CEP135: variants seen among roughly 807,000 people sequenced by gnomAD.
CEP135 encodes centrosomal protein 135, also known as centrosomal protein of 135 kDa.
Under a neutral mutation model 157.3 loss-of-function variants are expected in CEP135, and 142 were observed. That is an observed-to-expected ratio of 0.90 (90% CI 0.79 to 1.04). The LOEUF is 1.04. CEP135 is among the 50% of genes least tolerant of loss of function. The pLI, the probability that CEP135 is intolerant of heterozygous loss-of-function variation, is 0.00. For missense variants in CEP135, 1,317 were observed against 1,309.2 expected, an observed-to-expected ratio of 1.01 and a Z score of -0.09; for synonymous variants, 396 against 439.8, an observed-to-expected ratio of 0.90 and a Z score of 1.25.
intron 1 of CEP135, among the ~76,000 whole-genome samples, chr4:55,950,759 C>CT (rs148350973): frequency 0.071 from 10,702 of 150,502 alleles, 545 homozygotes; most frequent in African/African-American, 0.14. Context: ...TTATGTGTGT[C>CT]TTTTTTTTTA....
chr4:56,017,982 A>G, intron 22 of CEP135, 125 bp downstream of exon 22: 5 of 825,996 alleles, frequency 6.1e-6, no homozygotes, highest in Non-Finnish European at 9.0e-6. Context: ...TTTTTTTGTG[A>G]TGGAGTTTTG....
Position 55,971,363 on chromosome 4 carries a change from G to A in CEP135, c.1204G>A (p.Glu402Lys), listed in dbSNP as rs769123333. 6.2e-7 allele frequency: 1 copy of A among 1,604,440 alleles called. No individual in the cohort carries two copies. Among genetic ancestry groups the A allele is most frequent in the Admixed American group, 1.7e-5 (1 of 57,990 alleles). Residue 402 changes from glutamate (E) to lysine (K), a missense_variant, in exon 10 of 26, where the codon GAA (glutamate) becomes AAA (lysine). Physicochemically the swap from Glu to Lys is moderately conservative, Grantham distance 56. Coordinates refer to ENST00000257287, the MANE Select transcript of CEP135 (RefSeq NM_025009.5). Reference protein sequence around the residue: ...LETVVHQLEQEKQRLSKKVES... With the variant: ...LETVVHQLEQKKQRLSKKVES... ...AACTGTTGTTCATCAGCTTGAACAA[G>A]AAAAGCAAAGACTTAGCAAAAAAGT...
chr4:56,022,078 A>G (rs1560426522), intron 24 of CEP135, among the ~76,000 whole-genome samples: 1 of 152,220 alleles, frequency 6.6e-6, no homozygotes, highest in Non-Finnish European at 1.5e-5. Context: ...CAGCAGTGAC[A>G]TGAAAGCAGG....
intron 4 of CEP135, 34 bp from the exon 5 acceptor site, chr4:55,957,189 C>T: frequency 6.2e-7 from 1 of 1,605,078 alleles, no homozygotes; most frequent in South Asian, 1.1e-5. Flanking sequence ...GGTTTTGTTT[C>T]TTCTTAGTTT....
chr4:55,989,429 C>G (rs1729712082), intron 14 of CEP135, among the ~76,000 whole-genome samples: 1 of 152,146 alleles, frequency 6.6e-6, no homozygotes, highest in African/African-American at 2.4e-5. Flanking sequence ...GGGAAACTTG[C>G]CTAAGATCAC....
chr4:55,956,533 C>T (rs770774944), intron 4 of CEP135, among the ~76,000 whole-genome samples: 5 of 152,048 alleles, frequency 3.3e-5, no homozygotes, highest in Non-Finnish European at 7.4e-5. Context: ...CTAATAACCA[C>T]GCATATTTTA....
At position 55,979,702 on chromosome 4, in the gene CEP135, G is replaced by T. The variant is rs532446981; in HGVS notation, c.1474-441G>T. Among the ~76,000 whole-genome samples the T allele has an allele frequency of 2.0e-5, 3 of 152,230 alleles. No homozygotes were observed. The South Asian group carries it at 6.2e-4, about 32-fold the overall frequency. On this transcript the variant is annotated intron_variant, in intron 11 of 25. Transcript: ENST00000257287. ...ACCAGGCATCAGAATCACTTAGAGG[G>T]CTTGATAAAATACAGTTACTTGGCC...
chr4:55,957,695 G>T (rs905101216), intron 5 of CEP135, among the ~76,000 whole-genome samples: 2 of 152,210 alleles, frequency 1.3e-5, no homozygotes, highest in African/African-American at 4.8e-5. Context: ...TATTGCTTCA[G>T]ATTTGTGTCA....
At position 56,011,908 on chromosome 4, in the gene CEP135, C is replaced by G; in HGVS notation, c.2725C>G (p.Leu909Val). ...QAEGESSSVR[L>V]ELLSIDTERR... ...TGAGGGAGAAAGCAGCTCAGTTCGACTGGAACTTCTTTCTATTGACACTGA... is the reference window on the plus strand; with the variant it reads ...TGAGGGAGAAAGCAGCTCAGTTCGAGTGGAACTTCTTTCTATTGACACTGA... Residue 909 changes from leucine (L) to valine (V), a missense_variant, in exon 21 of 26, where the codon CTG becomes GTG. Transcript: ENST00000257287. 1 of 1,604,344 alleles carries G rather than the reference C, an allele frequency of 6.2e-7. No individual in the cohort carries two copies.
At position 56,017,836 on chromosome 4, in the gene CEP135, G is replaced by A. The variant is rs200864117; in HGVS notation, c.2991G>A (p.Ser997=). ...GKDIMTQQLN[S]KNLEFERVVV... is the part of the protein sequence containing the mutation. ...ATATTATGACCCAGCAATTGAATTC[G>A]AAAAACCTTGAGTTTGAGAGGGTAA... Residue 997 remains serine (S), a synonymous_variant, in exon 22 of 26, where the codon TCG becomes TCA. Transcript: ENST00000257287. 6.2e-6 allele frequency: 10 copies of A among 1,612,462 alleles called. No homozygotes were observed. The highest frequency in any genetic ancestry group is 1.9e-4 in the Middle Eastern group (1 of 5,168).
intron 7 of CEP135, 74 bp downstream of exon 7, chr4:55,964,476 TC>T: frequency 8.4e-7 from 1 of 1,194,596 alleles, no homozygotes; most frequent in Non-Finnish European, 1.1e-6. Flanking sequence ...TTTATAATGG[TC>T]TATGGGTTTG....
chr4:56,012,550 A>G (rs1383940981), intron 21 of CEP135, among the ~76,000 whole-genome samples: 3 of 152,212 alleles, frequency 2.0e-5, no homozygotes, highest in Non-Finnish European at 4.4e-5. Context: ...AATGTTGTGT[A>G]ACTATCACCA....
chr4:55,977,790 G>A (rs536114684), intron 11 of CEP135, among the ~76,000 whole-genome samples: 1 of 152,192 alleles, frequency 6.6e-6, no homozygotes, highest in African/African-American at 2.4e-5. Flanking sequence ...CAGACTAACT[G>A]AAACTATGCC....
In CEP135 at chr4:55,949,054, CTG is replaced by C. The variant is rs1728253104; in HGVS notation, c.-50_-49del. On this transcript the variant is annotated 5_prime_UTR_variant, in exon 1 of 26. The change abolishes the stop of an existing upstream ORF in the 5' untranslated region. Coordinates refer to ENST00000257287, the MANE Select transcript of CEP135 (RefSeq NM_025009.5). ...GAGGCGGAGGCAACGGCGGCTGGAG[CTG>C]CCGGTGAGTCCGGATGTGGGAGCCA... 1 of 153,602 alleles carries C rather than the reference CTG, an allele frequency of 6.5e-6. No homozygotes were observed. The highest frequency in any genetic ancestry group is 1.4e-5 in the Non-Finnish European group (1 of 69,204). 9.5% of individuals were successfully genotyped at this position (153,602 alleles called of 1,614,324 possible). A position where few individuals can be genotyped will look rare whatever the true frequency, so the allele number is the denominator to read the frequency against.
At chr4:56,004,810 T>C (rs1730294520) in intron 17 of CEP135, among the ~76,000 whole-genome samples, 1 of 152,180 alleles carries the variant, frequency 6.6e-6, no homozygotes, top group Non-Finnish European at 1.5e-5. Flanking sequence ...GAAGTGGGTT[T>C]CCTGTAGGCA....
intron 10 of CEP135, among the ~76,000 whole-genome samples, chr4:55,972,931 C>A: frequency 6.6e-6 from 1 of 152,158 alleles, no homozygotes; most frequent in South Asian, 2.1e-4. Context: ...ACTCAGGAGG[C>A]TGAGGCAGGA....
chr4:56,020,957 C>T (rs1288938079), intron 24 of CEP135, among the ~76,000 whole-genome samples, 177 bp downstream of exon 24: 1 of 152,080 alleles, frequency 6.6e-6, no homozygotes, highest in Non-Finnish European at 1.5e-5. Flanking sequence ...AAGATAATAG[C>T]TCTACAGTAA....
Position 55,987,011 on chromosome 4 carries a change from A to G in CEP135, c.1857+1653A>G, listed in dbSNP as rs940169110. 1.6e-4 allele frequency among the ~76,000 whole-genome samples: 24 copies of G among 152,334 alleles called. 1 individual carries two copies. The highest frequency in any genetic ancestry group is 1.1e-3 in the Admixed American group (17 of 15,296). ...GCTAGATAGTTTGTATTACTATGAAATACTGTTGAGGTTTGTTCTGGGATG... is the reference window on the plus strand; with the variant it reads ...GCTAGATAGTTTGTATTACTATGAAGTACTGTTGAGGTTTGTTCTGGGATG... On this transcript the variant is annotated intron_variant, in intron 14 of 25. Coordinates refer to ENST00000257287, the MANE Select transcript of CEP135 (RefSeq NM_025009.5).
rs550928396 is a variant in CEP135, at chr4:55,963,889, A to G, written c.700-385A>G. Among the ~76,000 whole-genome samples the G allele has an allele frequency of 2.6e-5, 4 of 152,344 alleles. No homozygotes were observed. The East Asian group carries it at 7.7e-4, about 29-fold the overall frequency. ...CAACTTACTTTTCTTAGTGTGTTACACTCATTCATTTATTCTACCAGGAAC... is the reference window on the plus strand; with the variant it reads ...CAACTTACTTTTCTTAGTGTGTTACGCTCATTCATTTATTCTACCAGGAAC... On this transcript the variant is annotated intron_variant, in intron 6 of 25. Coordinates refer to ENST00000257287, the MANE Select transcript of CEP135 (RefSeq NM_025009.5).
Sources: gnomAD v4.1 joint callset for allele counts (sites outside exome capture counted in the v4.1 genomes callset) on GRCh38, gnomAD v4.1.1 for gene constraint, MANE v1.5 for transcripts, NCBI Gene and HGNC (gene_info 2026-07-23, HGNC 2026-07-21) for gene names.